The following DCC variants were observed in gnomAD, a reference collection of about 807,000 sequenced individuals.
DCC encodes the protein DCC netrin 1 receptor, also known as netrin receptor DCC.
Under a neutral mutation model 172.5 loss-of-function variants are expected in DCC, and 58 were observed. That is an observed-to-expected ratio of 0.34 (90% confidence interval 0.27 to 0.42). DCC has a LOEUF of 0.42. Among genes scored for constraint, DCC ranks in the 10% least tolerant of loss-of-function variants. The probability of loss-of-function intolerance (pLI) is 1.00; values close to 1 mark genes in which losing one functional copy is unlikely to be tolerated. For synonymous variants in DCC, 709 were observed against 644.5 expected (o/e 1.10, Z -1.52); for missense variants, 1,740 against 1,791.0 (o/e 0.97, Z 0.51).
intron 12 of DCC, among the ~76,000 whole-genome samples, chr18:53,266,061 G>T (rs974130023): frequency 4.6e-5 from 7 of 152,024 alleles, no homozygotes; most frequent in Non-Finnish European, 7.4e-5. Context: ...CCTGCTCTGG[G>T]GTCTTCCTCA....
At chr18:52,513,583 T>G (rs1368711123) in intron 1 of DCC, among the ~76,000 whole-genome samples, 1 of 152,222 alleles carries the variant, frequency 6.6e-6, no homozygotes, top group African/African-American at 2.4e-5. Context: ...ATATATGTTA[T>G]GTACATTTAC....
At chr18:52,953,028 A>AAAAC (rs2040682314) in intron 5 of DCC, among the ~76,000 whole-genome samples, 8 of 143,752 alleles carry the variant, frequency 5.6e-5, no homozygotes, top group Non-Finnish European at 1.1e-4. Flanking sequence ...AAAAAAAAAA[A>AAAAC]CTCATAACAT....
chr18:53,351,786 C>T (rs1305572785), intron 15 of DCC, among the ~76,000 whole-genome samples: 3 of 151,700 alleles, frequency 2.0e-5, no homozygotes, highest in Admixed American at 6.6e-5. Flanking sequence ...TAATTCCTCA[C>T]GTCAGTGTTT....
intron 16 of DCC, among the ~76,000 whole-genome samples, chr18:53,390,598 T>C (rs561606924): frequency 6.6e-6 from 1 of 152,342 alleles, no homozygotes; most frequent in East Asian, 1.9e-4. Flanking sequence ...TAAAGATTTT[T>C]TAAGTGTAAA....
chr18:52,837,219 G>A (rs1398359097), intron 2 of DCC, among the ~76,000 whole-genome samples: 1 of 152,182 alleles, frequency 6.6e-6, no homozygotes, highest in African/African-American at 2.4e-5. Flanking sequence ...CTGCTGTGAA[G>A]TCTCTGACAT....
intron 1 of DCC, among the ~76,000 whole-genome samples, chr18:52,516,458 A>G (rs1263397711): frequency 6.6e-6 from 1 of 152,220 alleles, no homozygotes; most frequent in Non-Finnish European, 1.5e-5. Context: ...TTTGTGTGTG[A>G]TACTTTATTA....
At chr18:53,085,874 T>A (rs1568293999) in intron 7 of DCC, among the ~76,000 whole-genome samples, 1 of 151,600 alleles carries the variant, frequency 6.6e-6, no homozygotes, top group Non-Finnish European at 1.5e-5. Context: ...GCAAACAGAA[T>A]CATTTAAGAA....
chr18:53,046,176 C>A (rs2042235107), intron 5 of DCC, among the ~76,000 whole-genome samples: 1 of 151,750 alleles, frequency 6.6e-6, no homozygotes, highest in Non-Finnish European at 1.5e-5. Context: ...ACCAAGTAAT[C>A]CTAAAAATAC....
intron 1 of DCC, among the ~76,000 whole-genome samples, chr18:52,492,779 G>A (rs2144607882): frequency 6.6e-6 from 1 of 152,152 alleles, no homozygotes; most frequent in Non-Finnish European, 1.5e-5. Context: ...CATTAACGAA[G>A]GTACAAGGTA....
chr18:52,782,634 G>T (rs1180290049), intron 2 of DCC, among the ~76,000 whole-genome samples: 1 of 151,966 alleles, frequency 6.6e-6, no homozygotes, highest in Non-Finnish European at 1.5e-5. Context: ...TTCTCCATGT[G>T]CATCTTTCTT....
intron 23 of DCC, 92 bp from the exon 24 acceptor site, chr18:53,459,140 C>T (rs964825085): frequency 1.8e-6 from 2 of 1,090,606 alleles, no homozygotes; most frequent in African/African-American, 3.1e-5. Context: ...CTTTTGTTTC[C>T]TTTCCTGCTT....
chr18:53,308,063 G>A (rs2057224268), intron 13 of DCC, among the ~76,000 whole-genome samples: 1 of 150,590 alleles, frequency 6.6e-6, no homozygotes, highest in Non-Finnish European at 1.5e-5. Context: ...ATCCTAGGAA[G>A]CAATCATATT....
intron 1 of DCC, among the ~76,000 whole-genome samples, chr18:52,642,532 A>AT (rs893704422): frequency 2.2e-4 from 33 of 152,192 alleles, no homozygotes; most frequent in African/African-American, 7.7e-4. Flanking sequence ...CTGTCTTAAG[A>AT]TTTTTTCCCC....
chr18:52,776,586 A>G (rs1333628721), intron 2 of DCC, among the ~76,000 whole-genome samples: 2 of 152,164 alleles, frequency 1.3e-5, no homozygotes, highest in African/African-American at 4.8e-5. Context: ...AGATCTTCTG[A>G]TTGAAAGGGT....
At chr18:52,783,939 G>T (rs1414067178) in intron 2 of DCC, among the ~76,000 whole-genome samples, 1 of 152,022 alleles carries the variant, frequency 6.6e-6, no homozygotes, top group Non-Finnish European at 1.5e-5. Context: ...CCATTTCTTT[G>T]TGTTGGGGGC....
chr18:53,316,923 C>T (rs6508224), intron 13 of DCC, among the ~76,000 whole-genome samples: 31,587 of 152,090 alleles, frequency 0.21, 4,881 homozygotes, highest in African/African-American at 0.43. Flanking sequence ...TTCTTCCTAT[C>T]TGAATACCCT....
intron 1 of DCC, among the ~76,000 whole-genome samples, chr18:52,744,538 G>A (rs938526405): frequency 2.0e-5 from 3 of 152,108 alleles, no homozygotes; most frequent in African/African-American, 2.4e-5. Context: ...TGGCAACTGT[G>A]GAATGAATGT....
intron 2 of DCC, among the ~76,000 whole-genome samples, chr18:52,883,159 G>C (rs1430821975): frequency 6.6e-6 from 1 of 151,824 alleles, no homozygotes; most frequent in African/African-American, 2.4e-5. Flanking sequence ...GGTGAGATGT[G>C]GTTCTTGTGG....
At chr18:52,690,618 T>C (rs2035916127) in intron 1 of DCC, among the ~76,000 whole-genome samples, 1 of 152,058 alleles carries the variant, frequency 6.6e-6, no homozygotes, top group African/African-American at 2.4e-5. Context: ...CCAAAGGAGA[T>C]TGGCTGAGCA....
Sources: gnomAD v4.1 joint callset for allele counts (sites outside exome capture counted in the v4.1 genomes callset) on GRCh38, gnomAD v4.1.1 for gene constraint, MANE v1.5 for transcripts, NCBI Gene and HGNC (gene_info 2026-07-23, HGNC 2026-07-21) for gene names.